NAA40: variants seen among roughly 807,000 people sequenced by gnomAD.
NAA40 encodes the protein N-alpha-acetyltransferase 40.
NAA40 carries 26 observed loss-of-function variants against 36.6 expected under a neutral mutation model. The observed-to-expected ratio is 0.71, with a 90% CI of 0.52 to 0.98. The LOEUF (loss-of-function observed/expected upper bound fraction) is 0.98, where lower values mean the gene tolerates loss of function less well. NAA40 is among the 50% of genes least tolerant of loss of function. The probability of loss-of-function intolerance (pLI) is 0.00; values close to 1 mark genes in which losing one functional copy is unlikely to be tolerated. For synonymous variants in NAA40, 129 were observed against 108.4 expected, an observed-to-expected ratio of 1.19 and a Z score of -1.18; for missense variants, 237 against 306.5, an observed-to-expected ratio of 0.77 and a Z score of 1.69.
At chr11:63,951,753 G>A (rs1329002957) in intron 3 of NAA40, among the ~76,000 whole-genome samples, 1 of 152,126 alleles carries the variant, frequency 6.6e-6, no homozygotes, top group Admixed American at 6.5e-5. Context: ...AGGACCTAGG[G>A]TCACCCAGTG....
intron 6 of NAA40, among the ~76,000 whole-genome samples, chr11:63,953,434 G>C (rs879702318): frequency 1.3e-5 from 2 of 152,214 alleles, no homozygotes; most frequent in Non-Finnish European, 2.9e-5. Flanking sequence ...TCCTTGCTCT[G>C]GAAGAAGCCA....
rs1942062266 is a variant in NAA40, at chr11:63,939,053, C to A, written c.-44C>A. 1.2e-6 allele frequency: 2 copies of A among 1,601,424 alleles called. No individual in the cohort carries two copies. The highest frequency in any genetic ancestry group is 4.7e-5 in the East Asian group (2 of 42,942). On this transcript the variant is annotated 5_prime_UTR_variant, in exon 1 of 8. Transcript: ENST00000377793. ...AGCCACCGCCGTTGCCGCCTCCCTG[C>A]CGGCAAGTGTGTGAAGAAGAAGCTG...
chr11:63,942,832 C>T (rs1942129217), intron 1 of NAA40, among the ~76,000 whole-genome samples: 1 of 152,170 alleles, frequency 6.6e-6, no homozygotes, highest in African/African-American at 2.4e-5. Flanking sequence ...CGGTCTCAGG[C>T]CATGGCAGCT....
chr11:63,939,417 C>T (rs1417771428), intron 1 of NAA40: 34 of 1,155,020 alleles, frequency 2.9e-5, no homozygotes, highest in Middle Eastern at 3.5e-4. Flanking sequence ...GGTTAGCTTC[C>T]CGCTCCCCCA....
chr11:63,943,786 C>A (rs1942143601), intron 1 of NAA40, among the ~76,000 whole-genome samples: 1 of 151,794 alleles, frequency 6.6e-6, no homozygotes, highest in Admixed American at 6.6e-5. Flanking sequence ...AGTGAGACTC[C>A]CCCATCTCTA....
chr11:63,944,548 G>C (rs1324311855), intron 1 of NAA40, among the ~76,000 whole-genome samples: 1 of 152,132 alleles, frequency 6.6e-6, no homozygotes, highest in African/African-American at 2.4e-5. Flanking sequence ...CATCAAGCCA[G>C]GGGAGGCTCA....
chr11:63,949,026 A>G (rs574444819), intron 3 of NAA40, among the ~76,000 whole-genome samples: 4 of 152,166 alleles, frequency 2.6e-5, no homozygotes, highest in African/African-American at 9.6e-5. Flanking sequence ...ACAAAAAAAA[A>G]ATTTTTTTAA....
intron 1 of NAA40, 134 bp downstream of exon 1, chr11:63,939,236 C>T (rs1212923840): frequency 1.6e-6 from 2 of 1,262,248 alleles, no homozygotes; most frequent in East Asian, 3.5e-5. Context: ...CCCCACATGA[C>T]CCGACTCCCC....
chr11:63,953,898 G>A, intron 6 of NAA40, 74 bp from the exon 7 acceptor site: 8 of 1,341,498 alleles, frequency 6.0e-6, no homozygotes, highest in Admixed American at 1.7e-5. Context: ...TCAAAGTGCT[G>A]GGATTACAGG....
At position 63,953,998 on chromosome 11, in the gene NAA40, C is replaced by T; in HGVS notation, c.521C>T (p.Thr174Ile). The change falls in exon 7 of 8, where the codon ACA becomes ATA. Residue 174 changes from threonine to isoleucine, a missense_variant. Physicochemically the swap from Thr to Ile is moderately conservative, Grantham distance 89 (BLOSUM62 -1). Coordinates refer to ENST00000377793, the MANE Select transcript of NAA40 (RefSeq NM_024771.4). Reference sequence around the variant, plus strand: ...ACACAGATGAAGAAGGTTATGTTAACAGTATTTAAACACAATCATGGTGCC... The same window carrying T: ...ACACAGATGAAGAAGGTTATGTTAATAGTATTTAAACACAATCATGGTGCC... ...NSTQMKKVML[T>I]VFKHNHGAYQ... 4 of 1,614,100 alleles carry T rather than the reference C, an allele frequency of 2.5e-6. No homozygotes were observed. Among genetic ancestry groups the T allele is most frequent in the Admixed American group, 1.7e-5 (1 of 60,020 alleles).
chr11:63,955,127 T>C lies in NAA40; in HGVS notation c.*648T>C, dbSNP rs183856012. The C allele has an allele frequency of 1.8e-3, 279 of 152,700 alleles. 3 individuals carry two copies. Among genetic ancestry groups the C allele is most frequent in the Non-Finnish European group, 1.9e-4 (13 of 68,024 alleles). 9.5% of individuals were successfully genotyped at this position (152,700 alleles called of 1,614,324 possible). A position where few individuals can be genotyped will look rare whatever the true frequency, so the allele number is the denominator to read the frequency against. ...CTCTGGGAGGAAGACTGCCTCTCCA[T>C]CGCTGTCAGAGAGCCTGAAAGGACC... On this transcript the variant is annotated 3_prime_UTR_variant, in exon 8 of 8. Transcript: ENST00000377793.
chr11:63,952,791 A>G lies in NAA40; in HGVS notation c.446A>G (p.Lys149Arg), dbSNP rs748412023. The part of the protein sequence containing the change: ...EVQLESKVRR[K>R]GLGKFLIQIL... ...CAGTTGGAAAGCAAGGTGCGGCGGA[A>G]AGGCCTGGGGAAGTTCCTCATACAG... is the stretch of plus-strand genomic sequence containing the variant. Residue 149 changes from lysine to arginine, a missense_variant, in exon 6 of 8, where the codon AAA becomes AGA. Coordinates refer to ENST00000377793, the MANE Select transcript of NAA40 (RefSeq NM_024771.4). The G allele has an allele frequency of 3.1e-6, 5 of 1,614,126 alleles. No homozygotes were observed. In the South Asian group the frequency reaches 5.5e-5, roughly 18 times the overall value.
chr11:63,947,800 C>T (rs1392691850), intron 3 of NAA40, among the ~76,000 whole-genome samples: 1 of 149,872 alleles, frequency 6.7e-6, no homozygotes, highest in African/African-American at 2.5e-5. Context: ...GATCTCGGCT[C>T]ACTGCAACCT....
intron 1 of NAA40, among the ~76,000 whole-genome samples, chr11:63,940,785 A>C (rs1007960730): frequency 1.3e-5 from 2 of 152,156 alleles, no homozygotes; most frequent in Non-Finnish European, 2.9e-5. Context: ...CAAAACAGTC[A>C]TCGTGTTTTA....
chr11:63,949,986 C>T (rs1050002241), intron 3 of NAA40, among the ~76,000 whole-genome samples: 27 of 151,884 alleles, frequency 1.8e-4, no homozygotes, highest in African/African-American at 5.1e-4. Flanking sequence ...CCTTGTGATC[C>T]GCCCGCCTCG....
In NAA40 at chr11:63,945,710, C is replaced by G. The variant is rs1002845728; in HGVS notation, c.7-130C>G. The G allele has an allele frequency of 5.1e-6, 4 of 782,046 alleles. No homozygotes were observed. In the African/African-American group the frequency reaches 6.8e-5, roughly 13 times the overall value. 48.4% of individuals were successfully genotyped at this position (782,046 alleles called of 1,614,324 possible). On this transcript the variant is annotated intron_variant, in intron 1 of 7. Coordinates refer to ENST00000377793, the MANE Select transcript of NAA40 (RefSeq NM_024771.4). ...TCTTTCCGCCCCTCCAAATGTGTGGCAGCAGAGGTGGGAAATTTCTCACTG... is the reference window on the plus strand; with the variant it reads ...TCTTTCCGCCCCTCCAAATGTGTGGGAGCAGAGGTGGGAAATTTCTCACTG...
At chr11:63,946,205 AT>A (rs1022508692) in intron 2 of NAA40, 55 of 420,612 alleles carry the variant, frequency 1.3e-4, no homozygotes, top group South Asian at 2.4e-4. Flanking sequence ...GATCTAGATA[AT>A]TTTTTTTTCT....
chr11:63,953,256 G>A (rs550067435), intron 6 of NAA40, among the ~76,000 whole-genome samples: 1 of 151,994 alleles, frequency 6.6e-6, no homozygotes, highest in South Asian at 2.1e-4. Flanking sequence ...CCATGTTAAG[G>A]CTGGTCTCGA....
intron 6 of NAA40, 23 bp downstream of exon 6, chr11:63,952,862 GC>G: frequency 1.2e-6 from 2 of 1,602,392 alleles, no homozygotes; most frequent in Non-Finnish European, 1.7e-6. Flanking sequence ...TTCTTAGGAG[GC>G]CCATATAGCA....
Sources: gnomAD v4.1 joint callset for allele counts (sites outside exome capture counted in the v4.1 genomes callset) on GRCh38, gnomAD v4.1.1 for gene constraint, MANE v1.5 for transcripts, NCBI Gene and HGNC (gene_info 2026-07-23, HGNC 2026-07-21) for gene names.